Variants in PALM3 observed in about 807,000 individuals in gnomAD.
PALM3 encodes paralemmin-3.
A neutral mutation model predicts 27.9 loss-of-function variants in PALM3; 20 were observed. The observed-to-expected ratio is 0.72, with a 90% CI of 0.50 to 1.04. The LOEUF is 1.04. Ranked by LOEUF, PALM3 falls within the 50% of genes least tolerant of loss-of-function variation. PALM3 has a pLI of 0.00. For missense variants in PALM3, 814 were observed against 869.4 expected, an observed-to-expected ratio of 0.94 and a Z score of 0.80; for synonymous variants, 328 against 352.7, an observed-to-expected ratio of 0.93 and a Z score of 0.79.
chr19:14,056,067 C>T (rs1347620436), intron 5 of PALM3, among the ~76,000 whole-genome samples: 2 of 152,162 alleles, frequency 1.3e-5, no homozygotes. Context: ...CACCACCATA[C>T]CGAGCTAATT....
intron 1 of PALM3, 115 bp from the exon 2 acceptor site, chr19:14,059,278 C>A: frequency 1.0e-6 from 1 of 1,003,634 alleles, no homozygotes; most frequent in Non-Finnish European, 1.4e-6. Context: ...CCTCTGTTTC[C>A]CCTTTGCACC....
chr19:14,055,057 G>A lies in PALM3; in HGVS notation c.615C>T (p.Pro205=), dbSNP rs1436644891. 3 of 1,549,918 alleles carry A rather than the reference G, an allele frequency of 1.9e-6. No individual in the cohort carries two copies. The highest frequency in any genetic ancestry group is 1.4e-5 in the African/African-American group (1 of 73,044). The change falls in exon 7 of 7, where the codon CCC becomes CCT. Residue 205 remains proline, a synonymous_variant. Coordinates refer to ENST00000669674, the MANE Select transcript of PALM3 (RefSeq NM_001145028.2). The stretch of plus-strand genomic sequence containing the variant: ...TTAGCCCCTGCTCTGGAGTGGGGAT[G>A]GGGCTGGGGCATGGGCCATTGGCTT... The part of the protein sequence containing the change: ...SSEANGPCPS[P]IPTPEQGLSQ...
Position 14,057,436 on chromosome 19 carries a change from G to A in PALM3, c.91-5C>T. On this transcript the variant is annotated splice_region_variant and splice_polypyrimidine_tract_variant and intron_variant, in intron 2 of 6. Coordinates refer to ENST00000669674, the MANE Select transcript of PALM3 (RefSeq NM_001145028.2). ...CTCCTGCAGCCGCCGCTTCTCCTGC[G>A]CACAGAGGACCCGGAGCTGCCCGCC... 2.0e-6 allele frequency: 3 copies of A among 1,533,980 alleles called. No homozygotes were observed. The highest frequency in any genetic ancestry group is 2.6e-6 in the Non-Finnish European group (3 of 1,141,328).
rs2145704448 is a variant in PALM3 at position 14,057,310 on chromosome 19, C to G, written c.171+41G>C. The G allele has an allele frequency of 2.0e-6, 3 of 1,481,532 alleles. No individual in the cohort carries two copies. The South Asian group carries it at 3.7e-5, about 18-fold the overall frequency. The allele number at this position is 1,481,532 out of a possible 1,614,324, so 91.8% of individuals were successfully genotyped here. On this transcript the variant is annotated intron_variant, in intron 3 of 6. Transcript: ENST00000669674. ...CCGACTTGCACAGACACCCCCCACTCCATTCCCCAGGCTAGGCAGGCGCCC... is the reference window on the plus strand; with the variant it reads ...CCGACTTGCACAGACACCCCCCACTGCATTCCCCAGGCTAGGCAGGCGCCC...
At position 14,055,103 on chromosome 19, in the gene PALM3, C is replaced by T; in HGVS notation, c.569G>A (p.Gly190Glu). Residue 190 changes from glycine to glutamate, a missense_variant, in exon 7 of 7, where the codon GGG (glycine) becomes GAG (glutamate). Transcript: ENST00000669674. ...GGCTTCTGAGGAGTCTCCTGCTGCC[C>T]CGGGGACCTGCCTCGGGCCTGGCAG... The part of the protein sequence containing the change: ...GFLPGPRQVP[G>E]AAGDSSEANG... The T allele has an allele frequency of 6.4e-7, 1 of 1,551,600 alleles. No homozygotes were observed.
intron 1 of PALM3, 103 bp from the exon 2 acceptor site, chr19:14,059,266 T>C: frequency 8.8e-7 from 1 of 1,142,288 alleles, no homozygotes; most frequent in Non-Finnish European, 1.2e-6. Flanking sequence ...CCCAGCACTT[T>C]GCCTCTGTTT....
chr19:14,053,967 C>G lies in PALM3; in HGVS notation c.1705G>C (p.Glu569Gln). The G allele has an allele frequency of 6.4e-7, 1 of 1,551,674 alleles. No homozygotes were observed. Among genetic ancestry groups the G allele is most frequent in the Middle Eastern group, 1.7e-4 (1 of 5,992 alleles). ...SREGSESQAE[E>Q]MNEAGPPLEA... ...AGGGGAGGCCCTGCCTCATTCATCTCCTCTGCCTGGGATTCACTTCCTTCC... is the reference window on the plus strand; with the variant it reads ...AGGGGAGGCCCTGCCTCATTCATCTGCTCTGCCTGGGATTCACTTCCTTCC... Residue 569 changes from glutamate (E) to glutamine (Q), a missense_variant, in exon 7 of 7, where the codon GAG (glutamate) becomes CAG (glutamine). Glu to Gln is a conservative substitution (Grantham distance 29). Coordinates refer to ENST00000669674, the MANE Select transcript of PALM3 (RefSeq NM_001145028.2).
chr19:14,060,853 T>C (rs1976403091), intron 1 of PALM3, among the ~76,000 whole-genome samples: 1 of 152,152 alleles, frequency 6.6e-6, no homozygotes, highest in East Asian at 1.9e-4. Flanking sequence ...CCCCGCTTCC[T>C]GGGTTCAAGT....
intron 6 of PALM3, 40 bp from the exon 7 acceptor site, chr19:14,055,266 A>AGACAGGGTTAAGATGGGACAAAAGGGAT: frequency 6.6e-7 from 1 of 1,520,896 alleles, no homozygotes; most frequent in Non-Finnish European, 8.8e-7. Context: ...ACAAAAGGGA[A>AGACAGGGTTAAGATGGGACAAAAGGGAT]GACAGGGTTA....
At chr19:14,057,016 C>T in intron 3 of PALM3, 1 of 608,362 alleles carries the variant, frequency 1.6e-6, no homozygotes, top group Non-Finnish European at 2.8e-6. Context: ...ATGAAACGGG[C>T]ACTTCCAAAG....
chr19:14,054,778 G>A lies in PALM3; in HGVS notation c.894C>T (p.Gly298=). 1 of 1,551,212 alleles carries A rather than the reference G, an allele frequency of 6.4e-7. No homozygotes were observed. Residue 298 remains glycine (G), a synonymous_variant, in exon 7 of 7, where the codon GGC becomes GGT. Transcript: ENST00000669674. ...TCTCCCCCATGGCCTCTGCATCACT[G>A]CCACCCACCCCCTCCCAGACCACCT... ...IVEVVWEGVG[G]SDAEAMGEIG...
rs8103245 is a variant in PALM3 at position 14,061,183 on chromosome 19, C to G, written c.41+757G>C. ...CCACCCCCAAGATGTAATCTCCCTG[C>G]CTCTTCCTTGCTGGGGGGGATCGGG... On this transcript the variant is annotated intron_variant, in intron 1 of 6. Transcript: ENST00000669674. Among the ~76,000 whole-genome samples the G allele has an allele frequency of 2.4e-3, 367 of 152,314 alleles. 2 individuals carry two copies. The highest frequency in any genetic ancestry group is 8.5e-3 in the African/African-American group (355 of 41,560).
intron 1 of PALM3, among the ~76,000 whole-genome samples, chr19:14,059,393 G>C (rs1976378175): frequency 6.6e-6 from 1 of 151,978 alleles, no homozygotes; most frequent in Non-Finnish European, 1.5e-5. Flanking sequence ...GTCTCTCTCA[G>C]CCTCAGTTTC....
At chr19:14,061,857 C>T (rs1015685670) in intron 1 of PALM3, 83 bp downstream of exon 1, 21 of 886,968 alleles carry the variant, frequency 2.4e-5, no homozygotes, top group African/African-American at 7.2e-5. Context: ...CTGGAGCTCT[C>T]GGCTCCCAGA....
chr19:14,062,063 T>G lies in PALM3; in HGVS notation c.-83A>C. 4 of 875,370 alleles carry G rather than the reference T, an allele frequency of 4.6e-6. No homozygotes were observed. Among genetic ancestry groups the G allele is most frequent in the South Asian group, 5.2e-5 (1 of 19,272 alleles). 54.2% of individuals were successfully genotyped at this position (875,370 alleles called of 1,614,324 possible). ...TGAAGGTGCCCCGGAGGCTGTGACT[T>G]GGCTGCCTGGAGTGGGGGGGGGCTG... On this transcript the variant is annotated 5_prime_UTR_variant, in exon 1 of 7. Coordinates refer to ENST00000669674, the MANE Select transcript of PALM3 (RefSeq NM_001145028.2).
At chr19:14,057,510 T>G in intron 2 of PALM3, 79 bp from the exon 3 acceptor site, 3 of 1,162,306 alleles carry the variant, frequency 2.6e-6, no homozygotes, top group Non-Finnish European at 2.3e-6. Flanking sequence ...TTCCCCTCCC[T>G]CCTCCGCGGG....
rs1976264809 is a variant in PALM3, at chr19:14,054,673, C to T, written c.999G>A (p.Gly333=). The T allele has an allele frequency of 6.4e-7, 1 of 1,551,412 alleles. No homozygotes were observed. Among genetic ancestry groups the T allele is most frequent in the East Asian group, 2.4e-5 (1 of 40,920 alleles). ...CAGGGCTGCCCTGGGGCACATCTTC[C>T]CCTTCTATGGAAGCTGCTGCCTCTA... ...ERLEAAASIE[G]EDVPQGSPEG... is the part of the protein sequence containing the mutation. The change falls in exon 7 of 7, where the codon GGG becomes GGA. Residue 333 remains glycine, a synonymous_variant. Coordinates refer to ENST00000669674, the MANE Select transcript of PALM3 (RefSeq NM_001145028.2).
At chr19:14,058,114 A>G (rs1314886357) in intron 2 of PALM3, among the ~76,000 whole-genome samples, 1 of 152,168 alleles carries the variant, frequency 6.6e-6, no homozygotes, top group Non-Finnish European at 1.5e-5. Flanking sequence ...TCTCAAAAAA[A>G]GAAAAAAGGA....
At chr19:14,059,302 G>A in intron 1 of PALM3, 139 bp from the exon 2 acceptor site, 1 of 808,506 alleles carries the variant, frequency 1.2e-6, no homozygotes, top group Non-Finnish European at 1.8e-6. Context: ...GAAGAGTCTG[G>A]GCGGGGGGCG....
Sources: gnomAD v4.1 joint callset for allele counts (sites outside exome capture counted in the v4.1 genomes callset) on GRCh38, gnomAD v4.1.1 for gene constraint, MANE v1.5 for transcripts, NCBI Gene and HGNC (gene_info 2026-07-23, HGNC 2026-07-21) for gene names.